Variants in PLD5 observed in about 807,000 individuals in gnomAD.
The protein encoded by PLD5 is inactive phospholipase D5.
Under a neutral mutation model 61.1 loss-of-function variants are expected in PLD5, and 36 were observed. The observed-to-expected ratio is 0.59, with a 90% CI of 0.45 to 0.78. The LOEUF (loss-of-function observed/expected upper bound fraction) is 0.78. Among genes scored for constraint, PLD5 ranks in the 30% least tolerant of loss-of-function variants. The pLI, the probability that PLD5 is intolerant of heterozygous loss-of-function variation, is 0.00. For missense variants in PLD5, 515 were observed against 644.4 expected (o/e 0.80, Z 2.17); for synonymous variants, 243 against 242.8 (o/e 1.00, Z -0.01).
At chr1:242,216,672 G>A (rs1465073008) in intron 5 of PLD5, among the ~76,000 whole-genome samples, 2 of 152,180 alleles carry the variant, frequency 1.3e-5, no homozygotes, top group East Asian at 3.9e-4. Context: ...CTTCTTTACA[G>A]CACCTTCCTC....
Position 242,220,071 on chromosome 1 carries a change from G to T in PLD5, c.652C>A (p.Arg218=). 2 of 1,614,176 alleles carry T rather than the reference G, an allele frequency of 1.2e-6. No homozygotes were observed. Among genetic ancestry groups the T allele is most frequent in the Non-Finnish European group, 1.7e-6 (2 of 1,180,032 alleles). ...ACGATCCAGAAGGAGGACTGCAGCCGGCCCTTGTTGTAAGCGGTCATGTTC... is the reference window on the plus strand; with the variant it reads ...ACGATCCAGAAGGAGGACTGCAGCCTGCCCTTGTTGTAAGCGGTCATGTTC... The part of the protein sequence containing the change: ...YMNMTAYNKG[R]LQSSFWIVDK... The change falls in exon 5 of 10, where the codon CGG becomes AGG. Residue 218 remains arginine, a synonymous_variant. Coordinates refer to ENST00000536534, the MANE Select transcript of PLD5 (RefSeq NM_001372062.1).
chr1:242,417,369 G>A (rs1450933285), intron 1 of PLD5, among the ~76,000 whole-genome samples: 1 of 152,170 alleles, frequency 6.6e-6, no homozygotes, highest in Non-Finnish European at 1.5e-5. Context: ...GTTTACCATT[G>A]CCATGGCAAC....
intron 1 of PLD5, among the ~76,000 whole-genome samples, chr1:242,409,627 G>A (rs73132308): frequency 0.029 from 4,412 of 152,218 alleles, 216 homozygotes; most frequent in African/African-American, 0.098. Flanking sequence ...GAAGGACAGG[G>A]GGCTCCAAAC....
At chr1:242,486,936 T>C (rs1280279785) in intron 1 of PLD5, among the ~76,000 whole-genome samples, 1 of 152,030 alleles carries the variant, frequency 6.6e-6, no homozygotes, top group African/African-American at 2.4e-5. Flanking sequence ...CTGGAAACCA[T>C]CATTCTCAGC....
chr1:242,280,738 TTA>T (rs1491248056), intron 3 of PLD5, among the ~76,000 whole-genome samples: 1 of 152,196 alleles, frequency 6.6e-6, no homozygotes, highest in African/African-American at 2.4e-5. Flanking sequence ...TTTTCTTGGG[TTA>T]AAAAAAATTG....
chr1:242,348,384 G>C, intron 1 of PLD5, 142 bp from the exon 2 acceptor site: 1 of 913,024 alleles, frequency 1.1e-6, no homozygotes, highest in Non-Finnish European at 1.6e-6. Context: ...CTATTCTCTA[G>C]TGAACATGCC....
At position 242,089,204 on chromosome 1, in the gene PLD5, A is replaced by G; in HGVS notation, c.*650T>C. ...TTGTATGTTTTCAAAAGATGTTATC[A>G]TAGTTAGAAGTAATGTTGAGGTGAA... On this transcript the variant is annotated 3_prime_UTR_variant, in exon 10 of 10. Transcript: ENST00000536534. 2.5e-6 allele frequency: 1 copy of G among 397,688 alleles called. No homozygotes were observed. 24.6% of individuals were successfully genotyped at this position (397,688 alleles called of 1,614,324 possible). A position where few individuals can be genotyped will look rare whatever the true frequency, so the allele number is the denominator to read the frequency against.
chr1:242,136,746 CA>C (rs1663760202), intron 5 of PLD5, among the ~76,000 whole-genome samples: 2 of 152,282 alleles, frequency 1.3e-5, no homozygotes, highest in South Asian at 4.2e-4. Context: ...TATTCAAAAA[CA>C]GGGTAAGATG....
At chr1:242,510,971 G>A (rs1572269552) in intron 1 of PLD5, among the ~76,000 whole-genome samples, 1 of 152,248 alleles carries the variant, frequency 6.6e-6, no homozygotes, top group East Asian at 1.9e-4. Context: ...GACCTTGTGG[G>A]GGCTGAAAAT....
At chr1:242,093,117 A>C (rs1464003028) in intron 9 of PLD5, among the ~76,000 whole-genome samples, 1 of 152,170 alleles carries the variant, frequency 6.6e-6, no homozygotes, top group Non-Finnish European at 1.5e-5. Flanking sequence ...AGTGGTACAT[A>C]ATACTGTGTT....
intron 7 of PLD5, among the ~76,000 whole-genome samples, chr1:242,111,139 C>A (rs1465862572): frequency 6.6e-6 from 1 of 151,726 alleles, no homozygotes; most frequent in African/African-American, 2.4e-5. Flanking sequence ...TCACTGCAAC[C>A]TTGGCTGTCG....
At chr1:242,100,803 G>A (rs767311785) in intron 8 of PLD5, 21 bp from the exon 9 acceptor site, 12 of 1,489,294 alleles carry the variant, frequency 8.1e-6, no homozygotes, top group African/African-American at 6.9e-5. Flanking sequence ...AAAAAAAAGG[G>A]GGCAGGTAAA....
At chr1:242,504,279 G>T (rs1668651656) in intron 1 of PLD5, among the ~76,000 whole-genome samples, 1 of 152,140 alleles carries the variant, frequency 6.6e-6, no homozygotes, top group Admixed American at 6.5e-5. Flanking sequence ...TTAGAGTTTT[G>T]TCAAAAGCAG....
intron 4 of PLD5, among the ~76,000 whole-genome samples, chr1:242,239,188 G>A (rs1043736148): frequency 3.9e-5 from 6 of 152,126 alleles, no homozygotes; most frequent in African/African-American, 9.7e-5. Flanking sequence ...ATCCCCCATT[G>A]TCTGGCACAT....
intron 1 of PLD5, among the ~76,000 whole-genome samples, chr1:242,400,478 T>C (rs1339178165): frequency 1.3e-5 from 2 of 152,126 alleles, no homozygotes; most frequent in Non-Finnish European, 1.5e-5. Flanking sequence ...AAATGCATAG[T>C]CTCTGATCTC....
chr1:242,156,316 C>T (rs1665365950), intron 5 of PLD5, among the ~76,000 whole-genome samples: 1 of 152,170 alleles, frequency 6.6e-6, no homozygotes, highest in Non-Finnish European at 1.5e-5. Flanking sequence ...ATTTGCCAGT[C>T]TGTGTCTTTT....
chr1:242,238,801 C>A (rs78211579), intron 4 of PLD5, among the ~76,000 whole-genome samples: 1 of 152,132 alleles, frequency 6.6e-6, no homozygotes, highest in Non-Finnish European at 1.5e-5. Context: ...TGAGCAGAGC[C>A]TTTGGATGAC....
chr1:242,458,463 C>T (rs894986246), intron 1 of PLD5, among the ~76,000 whole-genome samples: 3 of 152,232 alleles, frequency 2.0e-5, no homozygotes, highest in African/African-American at 7.2e-5. Context: ...TGGAAAGGGG[C>T]AGGGGTTGCC....
intron 1 of PLD5, among the ~76,000 whole-genome samples, chr1:242,502,072 G>C (rs999560336): frequency 6.6e-6 from 1 of 151,942 alleles, no homozygotes; most frequent in Non-Finnish European, 1.5e-5. Flanking sequence ...GGACTGCAGC[G>C]ACCACCTACA....
Sources: gnomAD v4.1 joint callset for allele counts (sites outside exome capture counted in the v4.1 genomes callset) on GRCh38, gnomAD v4.1.1 for gene constraint, MANE v1.5 for transcripts, NCBI Gene and HGNC (gene_info 2026-07-23, HGNC 2026-07-21) for gene names.